The following PRICKLE2 variants were observed in gnomAD, a reference collection of about 807,000 sequenced individuals.
The protein encoded by PRICKLE2 is prickle planar cell polarity protein 2.
PRICKLE2 carries 21 observed loss-of-function variants against 81.4 expected under a neutral mutation model. The observed-to-expected ratio is 0.26, with a 90% CI of 0.18 to 0.37. The LOEUF (loss-of-function observed/expected upper bound fraction) is 0.37. Ranked by LOEUF, PRICKLE2 falls within the 10% of genes least tolerant of loss-of-function variation. The probability of loss-of-function intolerance (pLI) is 1.00; values close to 1 mark genes in which losing one functional copy is unlikely to be tolerated. For missense variants in PRICKLE2, 940 were observed against 1,109.0 expected (o/e 0.85, Z 2.16); for synonymous variants, 456 against 421.5 (o/e 1.08, Z -1.00).
chr3:64,161,392 T>C (rs928607719), intron 3 of PRICKLE2, among the ~76,000 whole-genome samples: 4 of 152,224 alleles, frequency 2.6e-5, no homozygotes, highest in Admixed American at 1.3e-4. Context: ...GTTACACAGA[T>C]GGTTAGAGGG....
chr3:64,130,376 C>T (rs922757848), intron 7 of PRICKLE2, among the ~76,000 whole-genome samples: 23 of 152,150 alleles, frequency 1.5e-4, no homozygotes, highest in South Asian at 1.0e-3. Flanking sequence ...ATAACTTGCC[C>T]GCGGCCACAG....
chr3:64,231,808 T>C (rs576599675), intron 2 of PRICKLE2, among the ~76,000 whole-genome samples: 4 of 152,152 alleles, frequency 2.6e-5, no homozygotes, highest in Non-Finnish European at 5.9e-5. Flanking sequence ...TCCCCTATCA[T>C]ACAGATGAAG....
chr3:64,146,729 C>A (rs984458183), intron 7 of PRICKLE2, 101 bp downstream of exon 7: 18 of 1,324,166 alleles, frequency 1.4e-5, no homozygotes, highest in African/African-American at 7.3e-5. Context: ...GGGGACAGAG[C>A]GAGACTCCAT....
intron 7 of PRICKLE2, 38 bp downstream of exon 7, chr3:64,146,792 C>A: frequency 6.2e-7 from 1 of 1,611,962 alleles, no homozygotes; most frequent in Non-Finnish European, 8.5e-7. Context: ...CCAGAGACTA[C>A]CCCCTTTCTA....
intron 1 of PRICKLE2, among the ~76,000 whole-genome samples, chr3:64,214,939 C>T (rs1228545623): frequency 6.6e-6 from 1 of 152,074 alleles, no homozygotes; most frequent in African/African-American, 2.4e-5. Flanking sequence ...TTTTTACCAC[C>T]TCTATCTTTA....
intron 7 of PRICKLE2, among the ~76,000 whole-genome samples, chr3:64,124,791 A>C (rs1401779442): frequency 1.3e-5 from 2 of 152,246 alleles, no homozygotes; most frequent in African/African-American, 4.8e-5. Context: ...TTGACAATGC[A>C]CTTGGTCACC....
chr3:64,200,887 T>A (rs1188742591), intron 1 of PRICKLE2: 1 of 152,248 alleles, frequency 6.6e-6, no homozygotes, highest in Non-Finnish European at 1.5e-5. Context: ...AGTGCTGGGA[T>A]TACAGGCATG....
chr3:64,238,638 A>G (rs1036220211), intron 2 of PRICKLE2, among the ~76,000 whole-genome samples: 1 of 152,178 alleles, frequency 6.6e-6, no homozygotes, highest in African/African-American at 2.4e-5. Flanking sequence ...TCTGGATAAC[A>G]GGCACTGTGT....
intron 7 of PRICKLE2, among the ~76,000 whole-genome samples, chr3:64,110,625 C>T (rs530762045): frequency 3.9e-5 from 6 of 152,134 alleles, no homozygotes; most frequent in African/African-American, 1.4e-4. Flanking sequence ...ATGGGGAGAC[C>T]TAAAGGATGA....
chr3:64,197,900 A>G (rs2078487296), intron 2 of PRICKLE2, among the ~76,000 whole-genome samples: 3 of 152,156 alleles, frequency 2.0e-5, no homozygotes, highest in Admixed American at 2.0e-4. Flanking sequence ...TCACACCTAA[A>G]GTTTCCAAGT....
At chr3:64,130,731 G>T (rs2077185145) in intron 7 of PRICKLE2, among the ~76,000 whole-genome samples, 1 of 152,178 alleles carries the variant, frequency 6.6e-6, no homozygotes, top group Admixed American at 6.5e-5. Flanking sequence ...CTGACTGGTA[G>T]AATTATTGGA....
chr3:64,246,584 A>G (rs1343260805), intron 2 of PRICKLE2, among the ~76,000 whole-genome samples: 2 of 152,324 alleles, frequency 1.3e-5, no homozygotes, highest in Non-Finnish European at 2.9e-5. Context: ...TTAAATACAG[A>G]TTGTTGGGCC....
chr3:64,171,985 C>T (rs2077939621), intron 2 of PRICKLE2, among the ~76,000 whole-genome samples: 1 of 152,198 alleles, frequency 6.6e-6, no homozygotes, highest in Non-Finnish European at 1.5e-5. Context: ...ATGCCCTAAG[C>T]CGGTACCATA....
At chr3:64,133,261 A>T (rs920377767) in intron 7 of PRICKLE2, among the ~76,000 whole-genome samples, 1 of 152,168 alleles carries the variant, frequency 6.6e-6, no homozygotes, top group Non-Finnish European at 1.5e-5. Context: ...GAGGACCTGG[A>T]CATGTACGGC....
chr3:64,101,947 T>C (rs1178335333), intron 7 of PRICKLE2: 1 of 152,228 alleles, frequency 6.6e-6, no homozygotes, highest in African/African-American at 2.4e-5. Flanking sequence ...TTAACATCCC[T>C]GGTGAGATGC....
rs1267827344 is a variant in PRICKLE2 at position 64,093,630 on chromosome 3, G to A, written c.*5421C>T. ...TGGCATCTAGTGAGTAGAAGTCAGC[G>A]ATGTTGCTAAACATCCTACAATGCA... is the stretch of plus-strand genomic sequence containing the variant. On this transcript the variant is annotated 3_prime_UTR_variant, in exon 8 of 8. Transcript: ENST00000638394. The A allele has an allele frequency of 2.0e-5, 3 of 152,056 alleles. No homozygotes were observed. Among genetic ancestry groups the A allele is most frequent in the Admixed American group, 6.6e-5 (1 of 15,248 alleles). The allele number at this position is 152,056 out of a possible 1,614,324, so 9.4% of individuals were successfully genotyped here. A position where few individuals can be genotyped will look rare whatever the true frequency, so the allele number is the denominator to read the frequency against.
At chr3:64,140,322 C>T (rs6786483) in intron 7 of PRICKLE2, among the ~76,000 whole-genome samples, 6,971 of 152,252 alleles carry the variant, frequency 0.046, 526 homozygotes, top group African/African-American at 0.16. Flanking sequence ...CTATAACTCA[C>T]AGGGTAGGCG....
intron 2 of PRICKLE2, among the ~76,000 whole-genome samples, chr3:64,260,063 A>T (rs1337486286): frequency 6.6e-6 from 1 of 152,196 alleles, no homozygotes; most frequent in East Asian, 1.9e-4. Context: ...TTTGGAAAAC[A>T]ATGTTAAGTG....
intron 2 of PRICKLE2, chr3:64,174,669 CT>C: frequency 4.9e-6 from 1 of 202,724 alleles, no homozygotes. Context: ...ATGTTTGGTG[CT>C]TTTCTCCTAT....
Sources: allele counts gnomAD v4.1 joint callset (sites outside exome capture counted in the v4.1 genomes callset), GRCh38; gene constraint gnomAD v4.1.1; transcripts MANE v1.5; gene names NCBI Gene and HGNC (gene_info 2026-07-23, HGNC 2026-07-21).